USH2A: variants seen among roughly 807,000 people sequenced by gnomAD.
USH2A encodes usherin, also known as Usher syndrome 2A (autosomal recessive, mild).
Under a neutral mutation model 538.9 loss-of-function variants are expected in USH2A, and 443 were observed. The ratio of observed to expected loss-of-function variants is 0.82; its 90% CI spans 0.76 to 0.89. The LOEUF is 0.89. Among genes scored for constraint, USH2A ranks in the 40% least tolerant of loss-of-function variants. The pLI, the probability that USH2A is intolerant of heterozygous loss-of-function variation, is 0.00. For missense variants in USH2A, 6,633 were observed against 6,324.8 expected (o/e 1.05, Z -1.65); for synonymous variants, 2,413 against 2,273.5 (o/e 1.06, Z -1.75).
Position 215,651,181 on chromosome 1 carries a change from C to T in USH2A, c.14134-380G>A, listed in dbSNP as rs530157118. 7.2e-5 allele frequency among the ~76,000 whole-genome samples: 11 copies of T among 152,286 alleles called. No homozygotes were observed. In the South Asian group the frequency reaches 1.7e-3, roughly 23 times the overall value. ...TACAAAAAACTCAGCAATTCTTAAA[C>T]ATTGTCCCCACCAAATCTGCATGAA... is the stretch of plus-strand genomic sequence containing the variant. On this transcript the variant is annotated intron_variant, in intron 64 of 71. Transcript: ENST00000307340.
chr1:216,061,095 C>T (rs1285392718), intron 30 of USH2A, among the ~76,000 whole-genome samples: 1 of 152,174 alleles, frequency 6.6e-6, no homozygotes, highest in Non-Finnish European at 1.5e-5. Flanking sequence ...GAATCTAGAC[C>T]CTGTGGCCCA....
intron 37 of USH2A, among the ~76,000 whole-genome samples, chr1:215,957,840 A>C (rs1381241591): frequency 6.6e-6 from 1 of 152,160 alleles, no homozygotes; most frequent in South Asian, 2.1e-4. Flanking sequence ...CTGACAAGCA[A>C]CTACAAAGTT....
At chr1:215,988,570 AG>A (rs1213971476) in intron 35 of USH2A, among the ~76,000 whole-genome samples, 1 of 151,836 alleles carries the variant, frequency 6.6e-6, no homozygotes, top group Non-Finnish European at 1.5e-5. Flanking sequence ...TAATTATTTG[AG>A]GAACCTCTAC....
chr1:215,865,519 A>G (rs1346029679), intron 44 of USH2A, among the ~76,000 whole-genome samples: 1 of 152,188 alleles, frequency 6.6e-6, no homozygotes, highest in African/African-American at 2.4e-5. Flanking sequence ...GCCTACCTTT[A>G]TGAGTAGGCT....
chr1:216,408,471 ATAAAGTT>A (rs1020086649), intron 3 of USH2A, among the ~76,000 whole-genome samples: 1 of 152,164 alleles, frequency 6.6e-6, no homozygotes, highest in African/African-American at 2.4e-5. Context: ...CATACCCAAG[ATAAAGTT>A]TAATTTTTAT....
chr1:216,302,660 A>T (rs765943702), intron 9 of USH2A, among the ~76,000 whole-genome samples: 4 of 152,144 alleles, frequency 2.6e-5, no homozygotes, highest in Non-Finnish European at 4.4e-5. Context: ...CGACAAACAC[A>T]TCATACATAG....
At chr1:215,959,241 T>C (rs1394740545) in intron 37 of USH2A, among the ~76,000 whole-genome samples, 1 of 152,110 alleles carries the variant, frequency 6.6e-6, no homozygotes, top group Admixed American at 6.6e-5. Context: ...ATAACAGATA[T>C]ATTTCCCAAA....
Position 216,216,378 on chromosome 1 carries a change from T to C in USH2A, c.3157+1009A>G, listed in dbSNP as rs571703627. Among the ~76,000 whole-genome samples, 3 of 152,264 alleles carry C rather than the reference T, an allele frequency of 2.0e-5. No individual in the cohort carries two copies. In the East Asian group the frequency reaches 5.8e-4, roughly 29 times the overall value. On this transcript the variant is annotated intron_variant, in intron 15 of 71. Coordinates refer to ENST00000307340, the MANE Select transcript of USH2A (RefSeq NM_206933.4). ...TCACTAGCTATATCCTGCTTTCCAT[T>C]ACCTCAAAATCTAGTACAGTTGTTG...
chr1:215,887,049 G>A (rs1665075663), intron 41 of USH2A, among the ~76,000 whole-genome samples: 1 of 152,008 alleles, frequency 6.6e-6, no homozygotes, highest in Admixed American at 6.6e-5. Flanking sequence ...AGTAGAGACG[G>A]GGTTTCACTG....
chr1:215,831,330 T>C (rs1351903296), intron 47 of USH2A, among the ~76,000 whole-genome samples: 1 of 152,152 alleles, frequency 6.6e-6, no homozygotes, highest in African/African-American at 2.4e-5. Context: ...AGTAAGTATA[T>C]AGATGATCTG....
At chr1:216,205,051 T>C (rs1572048911) in intron 16 of USH2A, among the ~76,000 whole-genome samples, 1 of 152,340 alleles carries the variant, frequency 6.6e-6, no homozygotes, top group East Asian at 1.9e-4. Context: ...TGTACTAACA[T>C]GTGATGTTCT....
intron 37 of USH2A, among the ~76,000 whole-genome samples, chr1:215,955,628 G>T (rs974195407): frequency 1.3e-5 from 2 of 151,890 alleles, no homozygotes; most frequent in Non-Finnish European, 2.9e-5. Context: ...AATTTTATTT[G>T]CAACCCGATT....
intron 9 of USH2A, among the ~76,000 whole-genome samples, chr1:216,301,099 G>A (rs565322458): frequency 6.6e-6 from 1 of 151,978 alleles, no homozygotes; most frequent in East Asian, 1.9e-4. Context: ...TACAGAGAAA[G>A]TAGAAACTTG....
chr1:215,893,487 T>A (rs73090781), intron 40 of USH2A, among the ~76,000 whole-genome samples: 1 of 152,156 alleles, frequency 6.6e-6, no homozygotes, highest in South Asian at 2.1e-4. Context: ...GAATAGTTTT[T>A]AAAAATAGTG....
At chr1:215,788,256 T>C (rs893828997) in intron 51 of USH2A, among the ~76,000 whole-genome samples, 2 of 152,106 alleles carry the variant, frequency 1.3e-5, no homozygotes, top group African/African-American at 4.8e-5. Flanking sequence ...GTTTCCCTTT[T>C]CTCTCTGGGA....
intron 35 of USH2A, among the ~76,000 whole-genome samples, chr1:215,974,422 T>C (rs879563705): frequency 2.0e-5 from 3 of 152,120 alleles, no homozygotes; most frequent in Admixed American, 6.6e-5. Context: ...ATGCTGAGGT[T>C]TGGGATGTGA....
intron 48 of USH2A, among the ~76,000 whole-genome samples, chr1:215,814,272 A>G (rs1019722534): frequency 2.7e-5 from 4 of 147,188 alleles, no homozygotes; most frequent in African/African-American, 9.8e-5. Context: ...ACACATATGT[A>G]TATATACATA....
At chr1:215,842,473 A>G (rs1024694049) in intron 46 of USH2A, among the ~76,000 whole-genome samples, 3 of 152,218 alleles carry the variant, frequency 2.0e-5, no homozygotes, top group Admixed American at 2.0e-4. Context: ...TACCCAAAGA[A>G]ATATAAATCA....
chr1:216,276,366 C>A lies in USH2A; in HGVS notation c.1971+12914G>T, dbSNP rs533200252. On this transcript the variant is annotated intron_variant, in intron 11 of 71. Transcript: ENST00000307340. Reference sequence around the variant, plus strand: ...AAAATGCAGCACTCAATACTTGGCACCAAAACAACATGTGGGTAAGTCAAG... The same window carrying A: ...AAAATGCAGCACTCAATACTTGGCAACAAAACAACATGTGGGTAAGTCAAG... 1.9e-3 allele frequency among the ~76,000 whole-genome samples: 288 copies of A among 152,146 alleles called. 2 individuals carry two copies. The highest frequency in any genetic ancestry group is 6.6e-3 in the African/African-American group (276 of 41,524).
Sources: gnomAD v4.1 joint callset for allele counts (sites outside exome capture counted in the v4.1 genomes callset) on GRCh38, gnomAD v4.1.1 for gene constraint, MANE v1.5 for transcripts, NCBI Gene and HGNC (gene_info 2026-07-23, HGNC 2026-07-21) for gene names.